Variants in EXOC4 observed in about 807,000 individuals in gnomAD.
EXOC4 encodes exocyst complex component 4, also known as SEC8-like 1.
A neutral mutation model predicts 107.2 loss-of-function variants in EXOC4; 71 were observed. That is an observed-to-expected ratio of 0.66 (90% CI 0.55 to 0.81). EXOC4 has a LOEUF of 0.81. Ranked by LOEUF, EXOC4 falls within the 30% of genes least tolerant of loss-of-function variation. The probability of loss-of-function intolerance (pLI) is 0.00; values close to 1 mark genes in which losing one functional copy is unlikely to be tolerated. For synonymous variants in EXOC4, 456 were observed against 441.2 expected (o/e 1.03, Z -0.42); for missense variants, 1,108 against 1,189.6 (o/e 0.93, Z 1.01).
intron 10 of EXOC4, among the ~76,000 whole-genome samples, chr7:133,751,807 G>T (rs374368893): frequency 2.6e-5 from 4 of 151,460 alleles, no homozygotes; most frequent in Non-Finnish European, 5.9e-5. Flanking sequence ...CACTTGGAAC[G>T]GCTACTCTAT....
At chr7:133,642,638 C>G (rs1402191427) in intron 10 of EXOC4, among the ~76,000 whole-genome samples, 7 of 152,180 alleles carry the variant, frequency 4.6e-5, no homozygotes, top group Non-Finnish European at 7.3e-5. Context: ...TACTCCAAAC[C>G]TAAACTTCTT....
At chr7:133,274,596 C>T (rs1005185363) in intron 1 of EXOC4, among the ~76,000 whole-genome samples, 1 of 152,160 alleles carries the variant, frequency 6.6e-6, no homozygotes, top group Non-Finnish European at 1.5e-5. Flanking sequence ...ACTATTCTTG[C>T]AGAAAATTGT....
At chr7:134,056,117 G>A (rs1795915905) in intron 17 of EXOC4, among the ~76,000 whole-genome samples, 1 of 152,154 alleles carries the variant, frequency 6.6e-6, no homozygotes, top group Admixed American at 6.5e-5. Context: ...TAAATGATAT[G>A]TAGCTTTGTG....
intron 10 of EXOC4, among the ~76,000 whole-genome samples, chr7:133,647,013 C>T (rs910746881): frequency 6.6e-6 from 1 of 152,154 alleles, no homozygotes; most frequent in African/African-American, 2.4e-5. Context: ...GGAAAGCCAT[C>T]ACTAAAGCCA....
intron 11 of EXOC4, among the ~76,000 whole-genome samples, chr7:133,818,411 G>T (rs1797426953): frequency 6.6e-6 from 1 of 152,166 alleles, no homozygotes; most frequent in Non-Finnish European, 1.5e-5. Context: ...ACTTGTTCCA[G>T]TTGCCTGCCC....
At chr7:134,063,111 A>T (rs549634262) in intron 17 of EXOC4, among the ~76,000 whole-genome samples, 2 of 152,306 alleles carry the variant, frequency 1.3e-5, no homozygotes, top group South Asian at 4.2e-4. Context: ...TCATAGCCTG[A>T]TGTTCAGAGG....
At chr7:133,506,201 T>C (rs959271310) in intron 9 of EXOC4, among the ~76,000 whole-genome samples, 1 of 152,164 alleles carries the variant, frequency 6.6e-6, no homozygotes. Flanking sequence ...AATATGATTG[T>C]TTTAAGTTGT....
intron 10 of EXOC4, among the ~76,000 whole-genome samples, chr7:133,684,381 G>A (rs1246805441): frequency 1.3e-5 from 2 of 152,114 alleles, no homozygotes. Context: ...GACAATTATA[G>A]TACAAATTAC....
At chr7:133,545,755 G>A (rs1563103403) in intron 9 of EXOC4, among the ~76,000 whole-genome samples, 1 of 152,036 alleles carries the variant, frequency 6.6e-6, no homozygotes, top group South Asian at 2.1e-4. Flanking sequence ...TATATCTATT[G>A]CTTAAATGTG....
intron 11 of EXOC4, among the ~76,000 whole-genome samples, chr7:133,853,730 C>T (rs1222216509): frequency 6.6e-6 from 1 of 152,072 alleles, no homozygotes; most frequent in African/African-American, 2.4e-5. Flanking sequence ...TTATTGAGCC[C>T]TTCCCCATGC....
At chr7:133,717,965 G>A (rs773473470) in intron 10 of EXOC4, among the ~76,000 whole-genome samples, 1 of 152,152 alleles carries the variant, frequency 6.6e-6, no homozygotes, top group Non-Finnish European at 1.5e-5. Flanking sequence ...GAGGGAATGG[G>A]ACTTTAGCTC....
rs117884765 is a variant in EXOC4 at position 133,679,260 on chromosome 7, T to A, written c.1514+49119T>A. On this transcript the variant is annotated intron_variant, in intron 10 of 17. Coordinates refer to ENST00000253861, the MANE Select transcript of EXOC4 (RefSeq NM_021807.4). ...TTTTGAAAATCTTAGCAAATTACAT[T>A]TTCAGAATTTTATAGGGCCTTTTTT... 3.3e-5 allele frequency among the ~76,000 whole-genome samples: 5 copies of A among 152,346 alleles called. No individual in the cohort carries two copies. In the East Asian group the frequency reaches 9.6e-4, roughly 29 times the overall value.
At chr7:133,687,600 A>G (rs1320995676) in intron 10 of EXOC4, among the ~76,000 whole-genome samples, 2 of 151,870 alleles carry the variant, frequency 1.3e-5, no homozygotes, top group East Asian at 3.9e-4. Flanking sequence ...TCAGTCAGGG[A>G]GATTGATTTG....
chr7:134,083,380 G>A, the EXOC4 span, among the ~76,000 whole-genome samples: 1 of 152,202 alleles, frequency 6.6e-6, no homozygotes, highest in Non-Finnish European at 1.5e-5. Context: ...CCCTGTTCTG[G>A]TTATTTGTCT....
At chr7:133,970,761 G>C (rs1479394845) in intron 14 of EXOC4, among the ~76,000 whole-genome samples, 4 of 152,066 alleles carry the variant, frequency 2.6e-5, no homozygotes, top group Non-Finnish European at 5.9e-5. Context: ...GATCTCGCTG[G>C]GAGCTACCAA....
intron 10 of EXOC4, among the ~76,000 whole-genome samples, chr7:133,794,378 C>T (rs528066298): frequency 4.4e-4 from 67 of 152,168 alleles, no homozygotes; most frequent in Non-Finnish European, 8.8e-4. Flanking sequence ...AGCCACTGGC[C>T]GACTAGCCCC....
chr7:133,855,116 T>A (rs1207603363), intron 11 of EXOC4, among the ~76,000 whole-genome samples: 87 of 79,550 alleles, frequency 1.1e-3, no homozygotes, highest in African/African-American at 4.9e-3. Flanking sequence ...TATATATAAA[T>A]ATATATATAT....
At chr7:133,757,730 G>A (rs779422309) in intron 10 of EXOC4, among the ~76,000 whole-genome samples, 12 of 152,272 alleles carry the variant, frequency 7.9e-5, no homozygotes, top group South Asian at 4.1e-4. Context: ...TTGGCTCCTC[G>A]TCAGCCCTGA....
At chr7:133,650,772 C>T (rs1396730175) in intron 10 of EXOC4, among the ~76,000 whole-genome samples, 1 of 152,096 alleles carries the variant, frequency 6.6e-6, no homozygotes, top group African/African-American at 2.4e-5. Context: ...TGGATATTCA[C>T]TGTTTGGATA....
Sources: allele counts gnomAD v4.1 joint callset (sites outside exome capture counted in the v4.1 genomes callset), GRCh38; gene constraint gnomAD v4.1.1; transcripts MANE v1.5; gene names NCBI Gene and HGNC (gene_info 2026-07-23, HGNC 2026-07-21).